The following CHD2 variants were observed in gnomAD, a reference collection of about 807,000 sequenced individuals.
CHD2 encodes the protein chromodomain helicase DNA binding protein 2, also known as ATP-dependent chromatin remodeler CHD2.
In CHD2, 28 loss-of-function variants were observed where a neutral mutation model predicts 243.9. The ratio of observed to expected loss-of-function variants is 0.11; its 90% CI spans 0.09 to 0.16. The LOEUF (loss-of-function observed/expected upper bound fraction) is 0.16, where lower values mean the gene tolerates loss of function less well. Among genes scored for constraint, CHD2 ranks in the 10% least tolerant of loss-of-function variants. The pLI is 1.00. For synonymous variants in CHD2, 775 were observed against 779.0 expected (o/e 0.99, Z 0.09); for missense variants, 1,386 against 2,209.8 (o/e 0.63, Z 7.47).
At position 93,024,446 on chromosome 15, in the gene CHD2, G is replaced by A. The variant is rs1230076038; in HGVS notation, c.5228G>A (p.Arg1743Gln). Reference sequence around the variant, plus strand: ...AATTACCACCAGCAGGATTTCCGACGAATGTCTGATCACCGCCCCGCTATG... The same window carrying A: ...AATTACCACCAGCAGGATTTCCGACAAATGTCTGATCACCGCCCCGCTATG... Reference protein sequence around the residue: ...PQNYHQQDFRRMSDHRPAMGY... With the variant: ...PQNYHQQDFRQMSDHRPAMGY... Residue 1743 changes from arginine (R) to glutamine (Q), a missense_variant, in exon 39 of 39, where the codon CGA becomes CAA. Arg to Gln is a conservative substitution (Grantham distance 43, BLOSUM62 1). This residue lies in a region of CHD2 where 347 missense variants were observed against 341.6 expected (regional missense o/e 1.02). Transcript: ENST00000394196. The A allele has an allele frequency of 2.5e-6, 4 of 1,614,158 alleles. No homozygotes were observed. The highest frequency in any genetic ancestry group is 1.7e-5 in the Admixed American group (1 of 60,014).
At chr15:92,918,824 C>T (rs923703796) in intron 2 of CHD2, among the ~76,000 whole-genome samples, 2 of 151,180 alleles carry the variant, frequency 1.3e-5, no homozygotes, top group Non-Finnish European at 2.9e-5. Context: ...TACACATATA[C>T]ATATATATAC....
chr15:92,988,858 A>G (rs574291077), intron 26 of CHD2, among the ~76,000 whole-genome samples: 13 of 151,784 alleles, frequency 8.6e-5, no homozygotes, highest in Middle Eastern at 3.4e-3. Flanking sequence ...TTCTATTGAT[A>G]TCATTTTCGA....
chr15:92,979,002 T>C, intron 21 of CHD2, 133 bp from the exon 22 acceptor site: 1 of 1,147,506 alleles, frequency 8.7e-7, no homozygotes, highest in Non-Finnish European at 1.2e-6. Flanking sequence ...TGGCTTACAG[T>C]CTTCTATGGT....
At chr15:92,977,879 A>G (rs901241143) in intron 20 of CHD2, among the ~76,000 whole-genome samples, 3 of 152,238 alleles carry the variant, frequency 2.0e-5, no homozygotes, top group Non-Finnish European at 4.4e-5. Context: ...ATAATTATAC[A>G]GGTGACTTCC....
intron 2 of CHD2, among the ~76,000 whole-genome samples, chr15:92,911,853 C>G (rs1372423564): frequency 6.6e-6 from 1 of 152,166 alleles, no homozygotes; most frequent in African/African-American, 2.4e-5. Flanking sequence ...TTTTTAAACA[C>G]TTTGCATTTT....
chr15:93,027,877 C>G lies in CHD2; in HGVS notation c.*3172C>G, dbSNP rs766494218. The stretch of plus-strand genomic sequence containing the variant: ...TATATTTGTGAAAAATGCCACTGTC[C>G]TAGTGATTTCTGATGTAAATAATGT... On this transcript the variant is annotated 3_prime_UTR_variant, in exon 39 of 39. Transcript: ENST00000394196. The G allele has an allele frequency of 6.6e-6, 1 of 152,610 alleles. No individual in the cohort carries two copies. The highest frequency in any genetic ancestry group is 1.5e-5 in the Non-Finnish European group (1 of 68,040). The allele number at this position is 152,610 out of a possible 1,614,324, so 9.5% of individuals were successfully genotyped here. A position where few individuals can be genotyped will look rare whatever the true frequency, so the allele number is the denominator to read the frequency against.
chr15:93,020,208 C>T lies in CHD2; in HGVS notation c.5103C>T (p.Asp1701=), dbSNP rs757105773. Residue 1701 remains aspartate (D), a synonymous_variant, in exon 38 of 39, where the codon GAC becomes GAT. Coordinates refer to ENST00000394196, the MANE Select transcript of CHD2 (RefSeq NM_001271.4). ...PNNMSRKRPY[D]QYSSDRDHRG... Reference sequence around the variant, plus strand: ...ACATGTCCAGAAAGAGGCCTTATGACCAGTACAGCAGTGACCGAGACCACC... The same window carrying T: ...ACATGTCCAGAAAGAGGCCTTATGATCAGTACAGCAGTGACCGAGACCACC... 2 of 1,614,096 alleles carry T rather than the reference C, an allele frequency of 1.2e-6. No individual in the cohort carries two copies. Among genetic ancestry groups the T allele is most frequent in the South Asian group, 1.1e-5 (1 of 91,068 alleles).
intron 5 of CHD2, among the ~76,000 whole-genome samples, chr15:92,929,937 A>G (rs998218349): frequency 1.3e-5 from 2 of 152,216 alleles, no homozygotes; most frequent in South Asian, 4.1e-4. Context: ...AAAAAATAAT[A>G]CCATCTACCC....
chr15:93,004,779 T>C, intron 34 of CHD2, 28 bp downstream of exon 34: 1 of 1,605,408 alleles, frequency 6.2e-7, no homozygotes, highest in South Asian at 1.1e-5. Flanking sequence ...GGGGTGCCAG[T>C]GTCTGCAGCC....
At chr15:92,913,333 TC>T (rs1248090033) in intron 2 of CHD2, among the ~76,000 whole-genome samples, 1 of 152,224 alleles carries the variant, frequency 6.6e-6, no homozygotes, top group African/African-American at 2.4e-5. Flanking sequence ...AGTACTTGTC[TC>T]TTAGGGAAGG....
chr15:92,945,782 G>T, intron 10 of CHD2, 39 bp from the exon 11 acceptor site: 4 of 1,311,350 alleles, frequency 3.1e-6, no homozygotes, highest in Non-Finnish European at 2.1e-6. Flanking sequence ...ATTCTTCATT[G>T]TGTTTATAAC....
At chr15:92,920,824 A>AATTG (rs1216051934) in intron 2 of CHD2, among the ~76,000 whole-genome samples, 1 of 152,252 alleles carries the variant, frequency 6.6e-6, no homozygotes, top group East Asian at 1.9e-4. Context: ...ATGAATGTGC[A>AATTG]ATTGAATCCT....
chr15:92,905,108 T>C, intron 2 of CHD2: 1 of 1,036,854 alleles, frequency 9.6e-7, no homozygotes, highest in African/African-American at 1.6e-5. Context: ...AGTGGCAGAA[T>C]ACAGCGTTAG....
rs751105868 is a variant in CHD2, at chr15:92,946,165, C to T, written c.1326C>T (p.Asp442=). 2 of 1,613,642 alleles carry T rather than the reference C, an allele frequency of 1.2e-6. No homozygotes were observed. Among genetic ancestry groups the T allele is most frequent in the East Asian group, 2.2e-5 (1 of 44,884 alleles). ...LIGKKFQNCI[D]SFHSRNNSKT... is the part of the protein sequence containing the mutation. Reference sequence around the variant, plus strand: ...GAAAGAAATTCCAGAATTGCATTGACAGCTTCCACAGTAGGAACAACTCAA... The same window carrying T: ...GAAAGAAATTCCAGAATTGCATTGATAGCTTCCACAGTAGGAACAACTCAA... The change falls in exon 12 of 39, where the codon GAC becomes GAT. Residue 442 remains aspartate (D), a synonymous_variant. Transcript: ENST00000394196.
At chr15:93,008,306 C>G (rs1001952466) in intron 34 of CHD2, among the ~76,000 whole-genome samples, 2 of 152,180 alleles carry the variant, frequency 1.3e-5, no homozygotes, top group Non-Finnish European at 1.5e-5. Context: ...TGTGCAGTCC[C>G]GCTCAGAGGT....
intron 16 of CHD2, among the ~76,000 whole-genome samples, chr15:92,963,833 A>G (rs2053720796): frequency 6.6e-6 from 1 of 152,198 alleles, no homozygotes; most frequent in African/African-American, 2.4e-5. Context: ...AACCATTGAG[A>G]CGAAGTAAGG....
Position 93,027,385 on chromosome 15 carries a change from T to A in CHD2, c.*2680T>A, listed in dbSNP as rs962455795. 5 of 152,200 alleles carry A rather than the reference T, an allele frequency of 3.3e-5. No homozygotes were observed. Among genetic ancestry groups the A allele is most frequent in the African/African-American group, 1.2e-4 (5 of 41,440 alleles). 9.4% of individuals were successfully genotyped at this position (152,200 alleles called of 1,614,324 possible). On this transcript the variant is annotated 3_prime_UTR_variant, in exon 39 of 39. Coordinates refer to ENST00000394196, the MANE Select transcript of CHD2 (RefSeq NM_001271.4). ...GTGAACAAGGGTTGACATGATACAC[T>A]ATGGCCTTAGAAAAGGGCCAGGTGA... is the stretch of plus-strand genomic sequence containing the variant.
chr15:92,921,993 C>T (rs2052965129), intron 2 of CHD2, among the ~76,000 whole-genome samples: 1 of 152,176 alleles, frequency 6.6e-6, no homozygotes. Context: ...CTGGACTAGT[C>T]AGCTTGGACT....
chr15:93,002,363 T>C, intron 33 of CHD2, 46 bp downstream of exon 33: 1 of 1,565,470 alleles, frequency 6.4e-7, no homozygotes, highest in South Asian at 1.2e-5. Context: ...GCCTTTGCAA[T>C]TCGCCATTTG....
Sources: gnomAD v4.1 joint callset for allele counts (sites outside exome capture counted in the v4.1 genomes callset) on GRCh38, gnomAD v4.1.1 for gene constraint, gnomAD v4.1.1 regional missense constraint, MANE v1.5 for transcripts, NCBI Gene and HGNC (gene_info 2026-07-23, HGNC 2026-07-21) for gene names.